The following CATSPERT variants were observed in gnomAD, a reference collection of about 807,000 sequenced individuals.
The protein encoded by CATSPERT is cation channel sperm-associated targeting subunit tau.
chr2:201,536,367 C>G, the CATSPERT span: 1 of 1,527,272 alleles, frequency 6.5e-7, no homozygotes, highest in East Asian at 2.3e-5. Flanking sequence ...TCATTATTGA[C>G]TGGAAAATTT....
At chr2:201,543,594 T>A in the CATSPERT span, among the ~76,000 whole-genome samples, 1 of 152,184 alleles carries the variant, frequency 6.6e-6, no homozygotes, top group African/African-American at 2.4e-5. Context: ...CCTAATTATT[T>A]TATTCTTTTT....
chr2:201,551,870 C>T, the CATSPERT span, among the ~76,000 whole-genome samples: 1 of 149,796 alleles, frequency 6.7e-6, no homozygotes, highest in Non-Finnish European at 1.5e-5. Context: ...ATCGCACCAT[C>T]GCACTTCAGC....
the CATSPERT span, among the ~76,000 whole-genome samples, chr2:201,592,562 G>C: frequency 6.6e-6 from 1 of 151,208 alleles, no homozygotes; most frequent in Non-Finnish European, 1.5e-5. Flanking sequence ...AATGGTACCA[G>C]TTCCTCCTTG....
chr2:201,604,758 C>A, the CATSPERT span: 1 of 1,158,604 alleles, frequency 8.6e-7, no homozygotes, highest in South Asian at 1.5e-5. Context: ...GATGAAACAT[C>A]AATTCAATAA....
At chr2:201,567,474 C>T in the CATSPERT span, among the ~76,000 whole-genome samples, 2 of 152,112 alleles carry the variant, frequency 1.3e-5, no homozygotes, top group Non-Finnish European at 2.9e-5. Context: ...AATCAGCAAG[C>T]TGGAGACCCA....
the CATSPERT span, among the ~76,000 whole-genome samples, chr2:201,613,274 C>T: frequency 5.3e-5 from 8 of 152,168 alleles, no homozygotes; most frequent in African/African-American, 1.9e-4. Flanking sequence ...CCCTGACCCC[C>T]GAGTAGCCTA....
chr2:201,582,423 C>T, the CATSPERT span, among the ~76,000 whole-genome samples: 1 of 152,018 alleles, frequency 6.6e-6, no homozygotes, highest in African/African-American at 2.4e-5. Context: ...ACCTCACAGT[C>T]ACATATATAC....
the CATSPERT span, chr2:201,535,986 C>T: frequency 2.5e-6 from 4 of 1,610,042 alleles, no homozygotes; most frequent in Non-Finnish European, 3.4e-6. Flanking sequence ...TAAGTTCCTG[C>T]TCTTTGGATT....
the CATSPERT span, chr2:201,547,609 G>C: frequency 6.8e-7 from 1 of 1,461,866 alleles, no homozygotes; most frequent in Admixed American, 2.2e-5. Flanking sequence ...ATCTTTTCCA[G>C]CCTAAAGAAA....
chr2:201,529,616 T>C, the CATSPERT span, among the ~76,000 whole-genome samples: 1 of 152,132 alleles, frequency 6.6e-6, no homozygotes, highest in Admixed American at 6.5e-5. Context: ...AAAAGACTTA[T>C]ATGTAAGATG....
At chr2:201,568,448 T>C in the CATSPERT span, among the ~76,000 whole-genome samples, 2 of 152,164 alleles carry the variant, frequency 1.3e-5, no homozygotes, top group Non-Finnish European at 2.9e-5. Flanking sequence ...TGATGGTCTT[T>C]ATTAGCAGGT....
chr2:201,596,117 C>T, the CATSPERT span, among the ~76,000 whole-genome samples: 1 of 152,154 alleles, frequency 6.6e-6, no homozygotes, highest in Admixed American at 6.5e-5. Context: ...TATAAAAATA[C>T]ATGCACGTAT....
the CATSPERT span, among the ~76,000 whole-genome samples, chr2:201,617,046 A>G: frequency 2.0e-5 from 3 of 152,218 alleles, no homozygotes; most frequent in Non-Finnish European, 2.9e-5. Context: ...CCACTGCTCA[A>G]TGAAATAAAA....
At chr2:201,508,482 C>T in the CATSPERT span, among the ~76,000 whole-genome samples, 1 of 152,156 alleles carries the variant, frequency 6.6e-6, no homozygotes, top group Non-Finnish European at 1.5e-5. Flanking sequence ...AAGCACATAA[C>T]ATTAATTTTA....
the CATSPERT span, among the ~76,000 whole-genome samples, chr2:201,509,653 A>G: frequency 5.3e-5 from 8 of 151,086 alleles, no homozygotes; most frequent in South Asian, 2.1e-4. Context: ...GTTATTTTAC[A>G]TAGTAAATTA....
At chr2:201,489,181 A>T in the CATSPERT span, among the ~76,000 whole-genome samples, 1 of 152,366 alleles carries the variant, frequency 6.6e-6, no homozygotes, top group Admixed American at 6.5e-5. Flanking sequence ...GTTTAGGAAC[A>T]GTTGGTTTAA....
chr2:201,616,163 T>C, the CATSPERT span, among the ~76,000 whole-genome samples: 1 of 152,236 alleles, frequency 6.6e-6, no homozygotes, highest in Non-Finnish European at 1.5e-5. Flanking sequence ...TCTGAAACTA[T>C]TCCAATCAAT....
the CATSPERT span, among the ~76,000 whole-genome samples, chr2:201,524,021 G>A: frequency 6.6e-6 from 1 of 152,100 alleles, no homozygotes; most frequent in Non-Finnish European, 1.5e-5. Context: ...CAACTCATTG[G>A]TATCCCTTAA....
At chr2:201,510,504 A>G in the CATSPERT span, among the ~76,000 whole-genome samples, 2 of 152,216 alleles carry the variant, frequency 1.3e-5, no homozygotes, top group African/African-American at 4.8e-5. Flanking sequence ...TTTTAATTAA[A>G]TTATATGCTC....
Sources: gnomAD v4.1 joint callset for allele counts (sites outside exome capture counted in the v4.1 genomes callset) on GRCh38, gnomAD v4.1.1 for gene constraint, MANE v1.5 for transcripts, NCBI Gene and HGNC (gene_info 2026-07-23, HGNC 2026-07-21) for gene names.